Variants in NDUFAF6 observed in about 807,000 individuals in gnomAD.
The protein encoded by NDUFAF6 is NADH:ubiquinone oxidoreductase complex assembly factor 6.
In NDUFAF6, 45 loss-of-function variants were observed where a neutral mutation model predicts 40.8. The observed-to-expected ratio is 1.10, with a 90% CI of 0.87 to 1.42. NDUFAF6 has a LOEUF of 1.42. Among genes scored for constraint, NDUFAF6 ranks in the 40% most tolerant of loss-of-function variants. The probability of loss-of-function intolerance (pLI) is 0.00; values close to 1 mark genes in which losing one functional copy is unlikely to be tolerated. For synonymous variants in NDUFAF6, 185 were observed against 155.9 expected (o/e 1.19, Z -1.39); for missense variants, 435 against 418.5 (o/e 1.04, Z -0.34).
At chr8:95,045,689 A>G in intron 5 of NDUFAF6, 42 bp downstream of exon 5, 2 of 1,490,074 alleles carry the variant, frequency 1.3e-6, no homozygotes, top group Non-Finnish European at 1.9e-6. Context: ...TTCCAATAAA[A>G]TACCTATGAG....
At chr8:94,922,694 G>A (rs964440922) in intron 1 of NDUFAF6, among the ~76,000 whole-genome samples, 4 of 151,904 alleles carry the variant, frequency 2.6e-5, no homozygotes, top group African/African-American at 7.3e-5. Context: ...GGCCAGGCTG[G>A]TCTCGAACTC....
intron 1 of NDUFAF6, among the ~76,000 whole-genome samples, chr8:94,944,960 T>A (rs1448931859): frequency 1.3e-5 from 2 of 152,202 alleles, no homozygotes; most frequent in Non-Finnish European, 2.9e-5. Context: ...GGCAAGGAGC[T>A]ATTGGAGAGA....
At position 94,923,681 on chromosome 8, in the gene NDUFAF6, CT is replaced by C. The variant is rs34801186; in HGVS notation, c.-935-21786del. ...CTTACAATAGATACTCTGAATTTTA[CT>C]TTTTTTTTTTTTTTTGAGACAGAGT... is the stretch of plus-strand genomic sequence containing the variant. On this transcript the variant is annotated intron_variant, in intron 1 of 14. Transcript: ENST00000396113. Among the ~76,000 whole-genome samples the C allele has an allele frequency of 7.5e-3, 1,043 of 139,842 alleles. 2 individuals are homozygous for C. The highest frequency in any genetic ancestry group is 0.02 in the African/African-American group (773 of 38,538). The allele number at this position is 139,842 out of a possible 152,430, so 91.7% of individuals were successfully genotyped here.
intron 1 of NDUFAF6, among the ~76,000 whole-genome samples, chr8:94,975,068 G>C (rs1247233265): frequency 6.6e-6 from 1 of 152,218 alleles, no homozygotes; most frequent in Non-Finnish European, 1.5e-5. Context: ...ACTTGGAGGA[G>C]CCTGAACCAA....
At chr8:94,964,428 C>CA (rs71569104) in intron 1 of NDUFAF6, among the ~76,000 whole-genome samples, 2,436 of 68,724 alleles carry the variant, frequency 0.035, 44 homozygotes, top group East Asian at 0.1. Context: ...GACCCTGTCT[C>CA]AAAAAAAAAA....
intron 3 of NDUFAF6, 72 bp from the exon 4 acceptor site, chr8:95,041,498 T>C: frequency 9.5e-7 from 1 of 1,055,072 alleles, no homozygotes; most frequent in South Asian, 1.3e-5. Context: ...ATTTGGTTTG[T>C]TCATTTTATT....
At chr8:94,988,420 A>G (rs933513563) in intron 2 of NDUFAF6, 1 of 152,206 alleles carries the variant, frequency 6.6e-6, no homozygotes, top group Non-Finnish European at 1.5e-5. Context: ...GAAAAGAAAA[A>G]TAGAATTAGA....
intron 1 of NDUFAF6, among the ~76,000 whole-genome samples, chr8:94,959,746 C>T (rs1213678156): frequency 6.6e-6 from 1 of 152,054 alleles, no homozygotes; most frequent in Admixed American, 6.6e-5. Flanking sequence ...CACTATGTTG[C>T]TCAGGCTGGT....
At chr8:94,934,469 T>G (rs920036651) in intron 1 of NDUFAF6, among the ~76,000 whole-genome samples, 9 of 151,716 alleles carry the variant, frequency 5.9e-5, no homozygotes, top group African/African-American at 2.2e-4. Context: ...CACTGCAACC[T>G]CTGCCTCCCG....
chr8:95,071,411 A>G (rs1587232507), intron 9 of NDUFAF6, among the ~76,000 whole-genome samples: 1 of 151,274 alleles, frequency 6.6e-6, no homozygotes, highest in East Asian at 1.9e-4. Context: ...AAGAAAAAAA[A>G]AAAAAAAAAA....
At chr8:95,106,296 T>C (rs1207218503), downstream of NDUFAF6, among the ~76,000 whole-genome samples, 1 of 148,272 alleles carries the variant, frequency 6.7e-6, no homozygotes, top group Admixed American at 6.7e-5. Flanking sequence ...AAAAAGTGTA[T>C]GGAACAGAAT....
chr8:95,094,886 A>G (rs958644525), intron 2 of NDUFAF6, among the ~76,000 whole-genome samples: 5 of 151,444 alleles, frequency 3.3e-5, no homozygotes, highest in Non-Finnish European at 7.4e-5. Context: ...CTGAGTAGCT[A>G]AGACTACAGG....
intron 1 of NDUFAF6, among the ~76,000 whole-genome samples, chr8:94,967,081 GA>G (rs1487478735): frequency 6.6e-6 from 1 of 151,960 alleles, no homozygotes; most frequent in Non-Finnish European, 1.5e-5. Context: ...GCAGAAGAAA[GA>G]AAAAAAGGAA....
intron 1 of NDUFAF6, chr8:94,927,829 T>A (rs1216107975): frequency 1.3e-5 from 2 of 152,546 alleles, no homozygotes; most frequent in Admixed American, 1.3e-4. Flanking sequence ...GAGCTACTAA[T>A]TCAGAGAGGT....
chr8:94,967,957 A>C (rs13281537), intron 1 of NDUFAF6, among the ~76,000 whole-genome samples: 1 of 149,616 alleles, frequency 6.7e-6, no homozygotes. Context: ...AAAAAAAAAA[A>C]GTCAGCTGGG....
chr8:95,043,376 A>G (rs1272354665), intron 4 of NDUFAF6, among the ~76,000 whole-genome samples: 1 of 151,954 alleles, frequency 6.6e-6, no homozygotes, highest in African/African-American at 2.4e-5. Flanking sequence ...GGCTTGAGCC[A>G]CCGCGCCCTA....
chr8:94,919,862 A>G (rs1819381763), intron 1 of NDUFAF6, among the ~76,000 whole-genome samples: 1 of 152,270 alleles, frequency 6.6e-6, no homozygotes. Context: ...CAAGTTAGCA[A>G]CAAGGTCTAA....
chr8:95,041,561 G>A lies in NDUFAF6; in HGVS notation c.421-9G>A, dbSNP rs1357045815. On this transcript the variant is annotated splice_polypyrimidine_tract_variant and intron_variant, in intron 3 of 8. Coordinates refer to ENST00000396124, the MANE Select transcript of NDUFAF6 (RefSeq NM_152416.4). ...TTTCTAAAAACTTATAATGCTCTTTGTTTTTTAGGCTGTTAAAAGACATAA... is the reference window on the plus strand; with the variant it reads ...TTTCTAAAAACTTATAATGCTCTTTATTTTTTAGGCTGTTAAAAGACATAA... 2 of 1,589,574 alleles carry A rather than the reference G, an allele frequency of 1.3e-6. No individual in the cohort carries two copies.
downstream of NDUFAF6, among the ~76,000 whole-genome samples, chr8:95,059,169 A>G (rs1832502119): frequency 6.6e-6 from 1 of 152,216 alleles, no homozygotes; most frequent in Non-Finnish European, 1.5e-5. Flanking sequence ...CAGGACCAGG[A>G]TTATGCCAGT....
Sources: allele counts gnomAD v4.1 joint callset (sites outside exome capture counted in the v4.1 genomes callset), GRCh38; gene constraint gnomAD v4.1.1; transcripts MANE v1.5; gene names NCBI Gene and HGNC (gene_info 2026-07-23, HGNC 2026-07-21).